Variants in LRRC28 observed in about 807,000 individuals in gnomAD.
The protein encoded by LRRC28 is leucine rich repeat containing 28.
A neutral mutation model predicts 45.7 loss-of-function variants in LRRC28; 39 were observed. The ratio of observed to expected loss-of-function variants is 0.85; its 90% CI spans 0.66 to 1.12. The LOEUF is 1.12. Among genes scored for constraint, LRRC28 ranks in the 50% most tolerant of loss-of-function variants. LRRC28 has a pLI of 0.00. For missense variants in LRRC28, 435 were observed against 438.5 expected, an observed-to-expected ratio of 0.99 and a Z score of 0.07; for synonymous variants, 206 against 178.8, an observed-to-expected ratio of 1.15 and a Z score of -1.22.
intron 8 of LRRC28, among the ~76,000 whole-genome samples, 179 bp downstream of exon 8, chr15:99,361,690 CATT>C (rs1462706612): frequency 1.3e-5 from 2 of 152,164 alleles, no homozygotes; most frequent in Non-Finnish European, 2.9e-5. Flanking sequence ...AGTCCATTCA[CATT>C]GTTGTGCAAC....
At chr15:99,252,418 G>A (rs2080853389) in intron 1 of LRRC28, among the ~76,000 whole-genome samples, 1 of 152,194 alleles carries the variant, frequency 6.6e-6, no homozygotes, top group Non-Finnish European at 1.5e-5. Flanking sequence ...TTTTGAGGCA[G>A]CCAATCCCAG....
rs749197782 is a variant in LRRC28 at position 99,386,080 on chromosome 15, A to T, written c.1082A>T (p.Gln361Leu). The T allele has an allele frequency of 6.2e-7, 1 of 1,614,140 alleles. No individual in the cohort carries two copies. The highest frequency in any genetic ancestry group is 1.7e-5 in the Admixed American group (1 of 60,028). Residue 361 changes from glutamine to leucine, a missense_variant, in exon 10 of 10, where the codon CAG becomes CTG. Gln to Leu is a moderately radical substitution (Grantham distance 113, BLOSUM62 -2). Coordinates refer to ENST00000301981, the MANE Select transcript of LRRC28 (RefSeq NM_144598.5). ...TACTGCTGCTCCACCCAGTGTCTGC[A>T]GACTTTTGACCTGCTGAGTTGATAA... ...VAYCCSTQCL[Q>L]TFDLLS
chr15:99,259,207 G>A lies in LRRC28; in HGVS notation c.168+3082G>A. ...GCCTACACCAGGATGTTGAAAGAAT[G>A]AAGGAAAAACAAGACAAAATCTGCC... On this transcript the variant is annotated intron_variant, in intron 2 of 9. Coordinates refer to ENST00000301981, the MANE Select transcript of LRRC28 (RefSeq NM_144598.5). 2.7e-6 allele frequency: 3 copies of A among 1,102,090 alleles called. No homozygotes were observed. In the East Asian group the frequency reaches 7.1e-5, roughly 26 times the overall value. 68.3% of individuals were successfully genotyped at this position (1,102,090 alleles called of 1,614,324 possible). A position where few individuals can be genotyped will look rare whatever the true frequency, so the allele number is the denominator to read the frequency against.
intron 1 of LRRC28, among the ~76,000 whole-genome samples, chr15:99,254,883 A>G (rs2080969373): frequency 6.6e-6 from 1 of 152,240 alleles, no homozygotes; most frequent in African/African-American, 2.4e-5. Context: ...CAGTACATTA[A>G]TTGCTATCTC....
intron 2 of LRRC28, among the ~76,000 whole-genome samples, chr15:99,268,337 A>G (rs1458196815): frequency 1.3e-5 from 2 of 152,174 alleles, no homozygotes; most frequent in African/African-American, 4.8e-5. Flanking sequence ...GACTTAGCAT[A>G]TACCCTGTAA....
intron 6 of LRRC28, among the ~76,000 whole-genome samples, chr15:99,351,304 C>T (rs183188892): frequency 1.4e-3 from 207 of 152,238 alleles, no homozygotes; most frequent in Admixed American, 5.0e-3. Context: ...CTGTACTTGC[C>T]GGGAATCTCC....
At chr15:99,283,208 A>G (rs1250551544) in intron 3 of LRRC28, among the ~76,000 whole-genome samples, 1 of 152,054 alleles carries the variant, frequency 6.6e-6, no homozygotes, top group Non-Finnish European at 1.5e-5. Flanking sequence ...ATTATTTTTT[A>G]AAACTTTTTT....
chr15:99,295,531 A>G (rs967038218), intron 5 of LRRC28, among the ~76,000 whole-genome samples: 2 of 152,238 alleles, frequency 1.3e-5, no homozygotes, highest in East Asian at 3.8e-4. Context: ...AGAACAGCCA[A>G]TCTTTAATAC....
Position 99,386,183 on chromosome 15 carries a change from C to G in LRRC28, c.*81C>G. ...GTCCAGCACACTCTTCCATCCTGTC[C>G]TGTCCAATGCGGGGGCACTGCAGAA... On this transcript the variant is annotated 3_prime_UTR_variant, in exon 10 of 10. Coordinates refer to ENST00000301981, the MANE Select transcript of LRRC28 (RefSeq NM_144598.5). 1 of 1,110,688 alleles carries G rather than the reference C, an allele frequency of 9.0e-7. No homozygotes were observed. Among genetic ancestry groups the G allele is most frequent in the South Asian group, 1.2e-5 (1 of 80,280 alleles). 68.8% of individuals were successfully genotyped at this position (1,110,688 alleles called of 1,614,324 possible).
At chr15:99,335,218 T>C (rs917105810) in intron 6 of LRRC28, among the ~76,000 whole-genome samples, 1 of 152,186 alleles carries the variant, frequency 6.6e-6, no homozygotes, top group African/African-American at 2.4e-5. Context: ...ATAGACCGAT[T>C]ATGGTGGTCA....
intron 5 of LRRC28, among the ~76,000 whole-genome samples, chr15:99,325,125 T>C (rs1343778857): frequency 1.3e-5 from 2 of 152,220 alleles, no homozygotes; most frequent in Admixed American, 6.5e-5. Flanking sequence ...TTTTGCAGTT[T>C]GTAGCATATA....
chr15:99,316,573 C>A (rs1046292274), intron 5 of LRRC28, among the ~76,000 whole-genome samples: 3 of 152,032 alleles, frequency 2.0e-5, no homozygotes, highest in African/African-American at 7.2e-5. Context: ...CTTTTAAATT[C>A]TATTACTGTA....
intron 9 of LRRC28, among the ~76,000 whole-genome samples, chr15:99,376,614 C>T (rs961553394): frequency 1.3e-5 from 2 of 151,980 alleles, no homozygotes; most frequent in African/African-American, 4.8e-5. Context: ...ATACATGTGC[C>T]ATGTTGGTGT....
At chr15:99,347,139 A>G (rs903044267) in intron 6 of LRRC28, among the ~76,000 whole-genome samples, 6 of 150,934 alleles carry the variant, frequency 4.0e-5, no homozygotes, top group African/African-American at 1.5e-4. Context: ...TATGTCTGCT[A>G]TTTTCCATCC....
rs1212775433 is a variant in LRRC28 at position 99,255,993 on chromosome 15, A to G, written c.36A>G (p.Ala12=). The change falls in exon 2 of 10, where the codon GCA becomes GCG. Residue 12 remains alanine (A), a synonymous_variant. Coordinates refer to ENST00000301981, the MANE Select transcript of LRRC28 (RefSeq NM_144598.5). ...ASELCKTISV[A]RLEKHKNLFL... ...AACTTTGTAAGACGATCTCTGTGGC[A>G]AGGCTAGAAAAGCACAAGAATTTGT... 1.1e-5 allele frequency: 17 copies of G among 1,612,836 alleles called. No homozygotes were observed. The highest frequency in any genetic ancestry group is 1.3e-5 in the African/African-American group (1 of 74,886).
At chr15:99,279,379 A>G (rs1361862799) in intron 3 of LRRC28, among the ~76,000 whole-genome samples, 1 of 152,194 alleles carries the variant, frequency 6.6e-6, no homozygotes, top group Non-Finnish European at 1.5e-5. Flanking sequence ...TGTTTGTTAC[A>G]ACTGTTTCAA....
rs899801051 is a variant in LRRC28 at position 99,352,267 on chromosome 15, T to A, written c.593-102T>A. 3.7e-6 allele frequency: 3 copies of A among 810,780 alleles called. No homozygotes were observed. The African/African-American group carries it at 5.3e-5, about 14-fold the overall frequency. The allele number at this position is 810,780 out of a possible 1,614,324, so 50.2% of individuals were successfully genotyped here. ...CACTTTTTATGGTTTTCTTCCAGAG[T>A]AGAAATCTTCGAATATTTCTAATAC... is the stretch of plus-strand genomic sequence containing the variant. On this transcript the variant is annotated intron_variant, in intron 6 of 9. Transcript: ENST00000301981.
intron 2 of LRRC28, among the ~76,000 whole-genome samples, chr15:99,264,191 A>G (rs1029809693): frequency 6.6e-6 from 1 of 152,222 alleles, no homozygotes; most frequent in African/African-American, 2.4e-5. Context: ...CACACAATCT[A>G]AACTAGTCCT....
chr15:99,346,522 T>C (rs998257311), intron 6 of LRRC28, among the ~76,000 whole-genome samples: 2 of 152,224 alleles, frequency 1.3e-5, no homozygotes, highest in African/African-American at 2.4e-5. Context: ...AGACAGGATC[T>C]GGCAATGCCG....
Sources: allele counts gnomAD v4.1 joint callset (sites outside exome capture counted in the v4.1 genomes callset), GRCh38; gene constraint gnomAD v4.1.1; transcripts MANE v1.5; gene names NCBI Gene and HGNC (gene_info 2026-07-23, HGNC 2026-07-21).